MGMT: variants seen among roughly 807,000 people sequenced by gnomAD.
MGMT encodes the protein methylated-DNA--protein-cysteine methyltransferase.
A neutral mutation model predicts 15.9 loss-of-function variants in MGMT; 14 were observed. The ratio of observed to expected loss-of-function variants is 0.88; its 90% CI spans 0.58 to 1.37. The LOEUF is 1.37. Ranked by LOEUF, MGMT falls within the 40% of genes most tolerant of loss-of-function variation. The probability of loss-of-function intolerance (pLI) is 0.00; values close to 1 mark genes in which losing one functional copy is unlikely to be tolerated. For synonymous variants in MGMT, 130 were observed against 118.2 expected, an observed-to-expected ratio of 1.10 and a Z score of -0.65; for missense variants, 282 against 268.1, an observed-to-expected ratio of 1.05 and a Z score of -0.36.
intron 1 of MGMT, among the ~76,000 whole-genome samples, chr10:129,523,399 T>A (rs1845834367): frequency 1.6e-5 from 2 of 128,738 alleles, no homozygotes; most frequent in Admixed American, 1.6e-4. Context: ...CATTGTCTTT[T>A]TCCTAGTAAA....
At chr10:129,662,266 A>T (rs1403093332) in intron 2 of MGMT, among the ~76,000 whole-genome samples, 4 of 152,188 alleles carry the variant, frequency 2.6e-5, no homozygotes, top group African/African-American at 7.2e-5. Flanking sequence ...AACTATTTCA[A>T]GCTCACAGAC....
intron 3 of MGMT, among the ~76,000 whole-genome samples, chr10:129,737,014 G>T (rs2133167620): frequency 6.6e-6 from 1 of 152,156 alleles, no homozygotes; most frequent in South Asian, 2.1e-4. Flanking sequence ...TTTCAACTTT[G>T]GTGAATCTGA....
intron 2 of MGMT, among the ~76,000 whole-genome samples, chr10:129,626,479 T>A (rs1486422321): frequency 6.6e-6 from 1 of 152,196 alleles, no homozygotes; most frequent in African/African-American, 2.4e-5. Flanking sequence ...GGAGGCCTGA[T>A]GCCCTGGAGC....
At chr10:129,765,079 G>A (rs1848918047) in intron 4 of MGMT, among the ~76,000 whole-genome samples, 1 of 152,078 alleles carries the variant, frequency 6.6e-6, no homozygotes, top group Non-Finnish European at 1.5e-5. Context: ...CTCATTGGCA[G>A]TTTACCTTCT....
At chr10:129,524,264 CCAAA>C (rs373857894) in intron 1 of MGMT, among the ~76,000 whole-genome samples, 21 of 152,310 alleles carry the variant, frequency 1.4e-4, no homozygotes, top group Middle Eastern at 3.4e-3. Flanking sequence ...TGCAGCCTTG[CCAAA>C]CAAACAAACA....
intron 1 of MGMT, among the ~76,000 whole-genome samples, chr10:129,492,583 A>G (rs1845479993): frequency 6.6e-6 from 1 of 152,160 alleles, no homozygotes; most frequent in South Asian, 2.1e-4. Flanking sequence ...CTTTCATGCC[A>G]TCCCCAATGG....
chr10:129,583,811 A>G (rs576567739), intron 2 of MGMT, among the ~76,000 whole-genome samples: 8 of 152,194 alleles, frequency 5.3e-5, no homozygotes, highest in Admixed American at 4.6e-4. Flanking sequence ...TCTGACTGCC[A>G]TGTCTTTGAA....
At chr10:129,730,921 C>A (rs1024792648) in intron 3 of MGMT, among the ~76,000 whole-genome samples, 1 of 152,162 alleles carries the variant, frequency 6.6e-6, no homozygotes, top group African/African-American at 2.4e-5. Flanking sequence ...AAGTCTTAGG[C>A]ATAATTCTTT....
At chr10:129,575,395 C>G (rs550028297) in intron 2 of MGMT, among the ~76,000 whole-genome samples, 22 of 151,774 alleles carry the variant, frequency 1.4e-4, no homozygotes, top group African/African-American at 4.8e-4. Flanking sequence ...CAAAACCGCT[C>G]AACTACATGG....
chr10:129,718,862 G>T (rs1175089550), intron 3 of MGMT, among the ~76,000 whole-genome samples: 1 of 151,422 alleles, frequency 6.6e-6, no homozygotes, highest in African/African-American at 2.4e-5. Context: ...GCTTGCTCAG[G>T]CATGTCACCT....
intron 1 of MGMT, among the ~76,000 whole-genome samples, chr10:129,500,810 C>T (rs1437867905): frequency 1.3e-5 from 2 of 152,168 alleles, no homozygotes; most frequent in Non-Finnish European, 2.9e-5. Flanking sequence ...CTTAGCCTCC[C>T]ACAGTGCTGG....
At chr10:129,646,754 A>ATATATATTTTTTTTTTTTT in intron 2 of MGMT, among the ~76,000 whole-genome samples, 132 of 86,590 alleles carry the variant, frequency 1.5e-3, no homozygotes, top group African/African-American at 4.8e-3. Flanking sequence ...ATATATATAT[A>ATATATATTTTTTTTTTTTT]TTTTCAGGGA....
intron 2 of MGMT, among the ~76,000 whole-genome samples, chr10:129,670,130 T>G (rs947935064): frequency 2.7e-5 from 4 of 146,586 alleles, no homozygotes; most frequent in African/African-American, 9.7e-5. Flanking sequence ...ATCAATGAAG[T>G]ACACCATTGA....
chr10:129,547,685 C>T (rs180846852), intron 2 of MGMT, among the ~76,000 whole-genome samples: 1 of 152,318 alleles, frequency 6.6e-6, no homozygotes, highest in Non-Finnish European at 1.5e-5. Context: ...GCTATCCTCC[C>T]GTCCTTGGTT....
intron 2 of MGMT, among the ~76,000 whole-genome samples, chr10:129,673,506 G>C (rs569451771): frequency 2.0e-5 from 3 of 152,038 alleles, no homozygotes; most frequent in Non-Finnish European, 4.4e-5. Flanking sequence ...CCTTGCGGTC[G>C]AGCCCAGCTG....
At chr10:129,685,310 G>C (rs931505759) in intron 2 of MGMT, among the ~76,000 whole-genome samples, 4 of 152,202 alleles carry the variant, frequency 2.6e-5, no homozygotes, top group African/African-American at 9.6e-5. Context: ...GAATCTTGCT[G>C]GTGTCTCCAA....
chr10:129,540,480 A>G (rs913608763), intron 2 of MGMT, among the ~76,000 whole-genome samples: 1 of 152,204 alleles, frequency 6.6e-6, no homozygotes, highest in Non-Finnish European at 1.5e-5. Flanking sequence ...TTCACCAGTG[A>G]GGACTTGCTC....
At chr10:129,680,576 C>T (rs1482731068) in intron 2 of MGMT, among the ~76,000 whole-genome samples, 1 of 142,386 alleles carries the variant, frequency 7.0e-6, no homozygotes, top group East Asian at 1.9e-4. Context: ...CTCCTTAAGA[C>T]ATCCAGGCGT....
chr10:129,471,894 G>A (rs970860317), intron 1 of MGMT, among the ~76,000 whole-genome samples: 16 of 152,148 alleles, frequency 1.1e-4, no homozygotes, highest in Non-Finnish European at 1.8e-4. Flanking sequence ...GTCTGAGTAC[G>A]GTTTTGTAAC....
Sources: allele counts gnomAD v4.1 joint callset (sites outside exome capture counted in the v4.1 genomes callset), GRCh38; gene constraint gnomAD v4.1.1; transcripts MANE v1.5; gene names NCBI Gene and HGNC (gene_info 2026-07-23, HGNC 2026-07-21).